The following GPHN variants were observed in gnomAD, a reference collection of about 807,000 sequenced individuals.
GPHN encodes gephyrin.
Under a neutral mutation model 95.5 loss-of-function variants are expected in GPHN, and 17 were observed. The observed-to-expected ratio is 0.18, with a 90% CI of 0.12 to 0.27. The LOEUF is 0.27. Among genes scored for constraint, GPHN ranks in the 10% least tolerant of loss-of-function variants. GPHN has a pLI of 1.00. For synonymous variants in GPHN, 320 were observed against 322.5 expected, an observed-to-expected ratio of 0.99 and a Z score of 0.08; for missense variants, 660 against 978.1, an observed-to-expected ratio of 0.67 and a Z score of 4.34.
At chr14:67,554,921 A>AT in the GPHN span, among the ~76,000 whole-genome samples, 39 of 151,502 alleles carry the variant, frequency 2.6e-4, no homozygotes, top group African/African-American at 8.7e-4. Context: ...ACTTTTTTAA[A>AT]TTTTTTTTTG....
intron 1 of GPHN, among the ~76,000 whole-genome samples, chr14:66,611,048 C>A (rs1249919768): frequency 6.6e-6 from 1 of 152,104 alleles, no homozygotes; most frequent in African/African-American, 2.4e-5. Flanking sequence ...TAGGAGAAGG[C>A]TTGGTCAAGC....
the GPHN span, chr14:67,678,459 T>C: frequency 2.1e-6 from 3 of 1,445,828 alleles, no homozygotes; most frequent in African/African-American, 4.2e-5. Context: ...AGCACAGTGT[T>C]AAGAATGAAG....
intron 11 of GPHN, among the ~76,000 whole-genome samples, chr14:67,088,054 CA>C (rs1024774128): frequency 5.9e-5 from 9 of 152,248 alleles, no homozygotes; most frequent in African/African-American, 2.2e-4. Flanking sequence ...TTACTTCACA[CA>C]AAAGGTTACT....
chr14:67,732,238 A>G, the GPHN span, among the ~76,000 whole-genome samples: 8 of 151,916 alleles, frequency 5.3e-5, no homozygotes, highest in African/African-American at 1.7e-4. Flanking sequence ...GGAATTCCAT[A>G]CCAGCCTGGA....
chr14:67,151,739 G>A (rs2081300099), intron 18 of GPHN, among the ~76,000 whole-genome samples: 1 of 152,134 alleles, frequency 6.6e-6, no homozygotes, highest in African/African-American at 2.4e-5. Flanking sequence ...CACCTCCCGG[G>A]TTCAAGCAAT....
intron 1 of GPHN, among the ~76,000 whole-genome samples, chr14:66,662,933 A>C (rs1371212555): frequency 6.6e-6 from 1 of 152,154 alleles, no homozygotes; most frequent in African/African-American, 2.4e-5. Context: ...GAGAAAAAAG[A>C]ATGAAAAAGA....
At chr14:67,724,431 G>T in the GPHN span, 3 of 1,224,382 alleles carry the variant, frequency 2.5e-6, no homozygotes, top group Admixed American at 3.5e-5. Context: ...GTGTGAGCTC[G>T]TGAAGGATGG....
the GPHN span, among the ~76,000 whole-genome samples, chr14:67,215,825 C>T: frequency 6.6e-6 from 1 of 152,102 alleles, no homozygotes; most frequent in African/African-American, 2.4e-5. Flanking sequence ...GTCTCAAATC[C>T]AGTGCCCCCA....
chr14:67,047,326 G>GTGTGTT (rs774064677), intron 10 of GPHN, among the ~76,000 whole-genome samples: 5 of 95,496 alleles, frequency 5.2e-5, no homozygotes, highest in South Asian at 3.5e-4. Context: ...TTTTGTGTGT[G>GTGTGTT]TGTGTGTTTG....
the GPHN span, among the ~76,000 whole-genome samples, chr14:67,235,969 T>G: frequency 2.0e-5 from 3 of 152,162 alleles, no homozygotes; most frequent in Admixed American, 6.5e-5. Context: ...TAAATTAAAT[T>G]GATAAAAATT....
the GPHN span, among the ~76,000 whole-genome samples, chr14:67,370,855 T>C: frequency 6.6e-6 from 1 of 152,016 alleles, no homozygotes; most frequent in African/African-American, 2.4e-5. Context: ...CGAAACCTCA[T>C]CTCTACAGAA....
At chr14:66,959,693 A>G (rs1323365908) in intron 8 of GPHN, among the ~76,000 whole-genome samples, 1 of 152,104 alleles carries the variant, frequency 6.6e-6, no homozygotes, top group East Asian at 1.9e-4. Context: ...CAATTTGATT[A>G]TAATGTATCT....
At chr14:67,585,588 G>A in the GPHN span, 2 of 1,583,764 alleles carry the variant, frequency 1.3e-6, no homozygotes, top group Non-Finnish European at 8.6e-7. Context: ...TGTCTTCCAA[G>A]GAGAACGCTC....
chr14:66,766,941 T>TA (rs903491148), intron 2 of GPHN, among the ~76,000 whole-genome samples: 4 of 152,016 alleles, frequency 2.6e-5, no homozygotes, highest in African/African-American at 9.7e-5. Flanking sequence ...CCCCCATTTT[T>TA]AAAAAAACTT....
chr14:67,337,402 C>T, the GPHN span: 1 of 152,070 alleles, frequency 6.6e-6, no homozygotes, highest in Non-Finnish European at 1.5e-5. Flanking sequence ...ATCCCAGCTA[C>T]TCGGGAGACT....
chr14:67,576,638 A>G, the GPHN span: 1 of 543,976 alleles, frequency 1.8e-6, no homozygotes. The surrounding 1 kb of genome is among the most constrained non-coding windows in gnomAD (Gnocchi z 4.0). Flanking sequence ...GGAAGTTCCC[A>G]TCCAAGCTCC....
the GPHN span, among the ~76,000 whole-genome samples, chr14:67,485,807 T>C: frequency 6.6e-6 from 1 of 152,252 alleles, no homozygotes; most frequent in East Asian, 1.9e-4. Context: ...CCTCTCACCC[T>C]ACCTCGAGCT....
At chr14:66,521,026 C>T (rs2058463977) in intron 1 of GPHN, among the ~76,000 whole-genome samples, 2 of 152,156 alleles carry the variant, frequency 1.3e-5, no homozygotes, top group Admixed American at 6.6e-5. Flanking sequence ...CCACAAAAGA[C>T]ATGATCTCAT....
At chr14:67,117,703 A>C (rs2078772324) in intron 16 of GPHN, among the ~76,000 whole-genome samples, 1 of 152,168 alleles carries the variant, frequency 6.6e-6, no homozygotes, top group South Asian at 2.1e-4. Flanking sequence ...AATCTTTACT[A>C]AGAAAAACAA....
Sources: gnomAD v4.1 joint callset for allele counts (sites outside exome capture counted in the v4.1 genomes callset) on GRCh38, gnomAD v4.1.1 for gene constraint, Gnocchi (gnomAD v3.1) non-coding constraint, MANE v1.5 for transcripts, NCBI Gene and HGNC (gene_info 2026-07-23, HGNC 2026-07-21) for gene names.